The following STYXL1 variants were observed in gnomAD, a reference collection of about 807,000 sequenced individuals.
STYXL1 encodes the protein serine/threonine/tyrosine-interacting-like protein 1.
A neutral mutation model predicts 36.4 loss-of-function variants in STYXL1; 32 were observed. The ratio of observed to expected loss-of-function variants is 0.88; its 90% CI spans 0.66 to 1.18. The LOEUF is 1.18. Ranked by LOEUF, STYXL1 falls within the 50% of genes most tolerant of loss-of-function variation. The pLI, the probability that STYXL1 is intolerant of heterozygous loss-of-function variation, is 0.00. For missense variants in STYXL1, 354 were observed against 394.1 expected, an observed-to-expected ratio of 0.90 and a Z score of 0.86; for synonymous variants, 133 against 144.1, an observed-to-expected ratio of 0.92 and a Z score of 0.55.
chr7:76,003,684 G>T (rs1791270386), intron 7 of STYXL1, 74 bp downstream of exon 7: 6 of 1,363,466 alleles, frequency 4.4e-6, no homozygotes, highest in Non-Finnish European at 6.3e-6. Context: ...GAATAAGCCT[G>T]TGAAGGAGGC....
intron 4 of STYXL1, among the ~76,000 whole-genome samples, chr7:76,019,491 ACGGGGC>A (rs1441838105): frequency 2.0e-5 from 3 of 150,666 alleles, no homozygotes; most frequent in Non-Finnish European, 4.4e-5. Context: ...TTTGGTAGAG[ACGGGGC>A]CTTGCTATGT....
intron 1 of STYXL1, among the ~76,000 whole-genome samples, chr7:76,034,638 T>G (rs1236844482): frequency 1.3e-5 from 2 of 152,324 alleles, no homozygotes; most frequent in Admixed American, 6.5e-5. Context: ...TTGACACCAC[T>G]GACGTCCGGG....
rs1554565568 is a variant in STYXL1 at position 75,999,491 on chromosome 7, TTGTGTGTGTGTGTG to T, written c.810+1385_810+1398del. Among the ~76,000 whole-genome samples, 57 of 111,250 alleles carry T rather than the reference TTGTGTGTGTGTGTG, an allele frequency of 5.1e-4. 1 individual carries two copies. The highest frequency in any genetic ancestry group is 1.4e-3 in the South Asian group (5 of 3,580). The allele number at this position is 111,250 out of a possible 152,430, so 73.0% of individuals were successfully genotyped here. A position where few individuals can be genotyped will look rare whatever the true frequency, so the allele number is the denominator to read the frequency against. Reference sequence around the variant, plus strand: ...AATAGTTAAGATGGTAATTTTTTTGTTGTGTGTGTGTGTGTGTGTATGTGTGTGTGTGTGTGTGT... The same window carrying T: ...AATAGTTAAGATGGTAATTTTTTTGTTGTGTATGTGTGTGTGTGTGTGTGT... On this transcript the variant is annotated intron_variant, in intron 8 of 8. Transcript: ENST00000359697.
chr7:76,023,811 G>C (rs1490522178), intron 3 of STYXL1, among the ~76,000 whole-genome samples: 1 of 151,954 alleles, frequency 6.6e-6, no homozygotes, highest in East Asian at 1.9e-4. Flanking sequence ...AGGTCAGTTC[G>C]AGATCAGCCT....
At chr7:76,003,928 A>G (rs371081560) in intron 6 of STYXL1, 73 bp from the exon 7 acceptor site, 1 of 1,394,956 alleles carries the variant, frequency 7.2e-7, no homozygotes, top group South Asian at 1.2e-5. Context: ...GGTTTTCATC[A>G]CAGCAGAAGG....
At chr7:76,015,690 G>A (rs1380555756) in intron 4 of STYXL1, among the ~76,000 whole-genome samples, 2 of 152,180 alleles carry the variant, frequency 1.3e-5, no homozygotes, top group Non-Finnish European at 2.9e-5. Context: ...AACCTCTGAT[G>A]GTTAATACTG....
chr7:76,042,951 G>A (rs1475061348), intron 1 of STYXL1, among the ~76,000 whole-genome samples: 2 of 152,100 alleles, frequency 1.3e-5, no homozygotes, highest in Non-Finnish European at 2.9e-5. Flanking sequence ...TAGGCCTTGG[G>A]CTGGAAATCT....
rs1790583687 is a variant in STYXL1 at position 75,999,539 on chromosome 7, G to GTGTGTGTGTGTGTGTT, written c.810+1350_810+1351insAACACACACACACACA. On this transcript the variant is annotated intron_variant, in intron 8 of 8. Coordinates refer to ENST00000359697, the MANE Select transcript of STYXL1 (RefSeq NM_001317785.2). ...TGTGTGTGTGTGTGTGTGTGTGTGT[G>GTGTGTGTGTGTGTGTT]TGTGTGTGTGTGTATATTTTTTTTT... Among the ~76,000 whole-genome samples, 6 of 138,722 alleles carry GTGTGTGTGTGTGTGTT rather than the reference G, an allele frequency of 4.3e-5. 1 individual carries two copies. Among genetic ancestry groups the GTGTGTGTGTGTGTGTT allele is most frequent in the South Asian group, 2.4e-4 (1 of 4,218 alleles). The allele number at this position is 138,722 out of a possible 152,430, so 91.0% of individuals were successfully genotyped here.
In STYXL1 at chr7:76,003,846, G is replaced by T; in HGVS notation, c.609C>A (p.Gly203=). The change falls in exon 7 of 9, where the codon GGC becomes GGA. Residue 203 remains glycine, a synonymous_variant. Transcript: ENST00000359697. ...VSMDTGPFFA[G]DADKLLHIRI... is the part of the protein sequence containing the mutation. ...GGATGTGCAGAAGCTTGTCAGCATCGCCTGCAAAACTACACGGAAGGACCA... is the reference window on the plus strand; with the variant it reads ...GGATGTGCAGAAGCTTGTCAGCATCTCCTGCAAAACTACACGGAAGGACCA... 1 of 1,614,100 alleles carries T rather than the reference G, an allele frequency of 6.2e-7. No individual in the cohort carries two copies. Among genetic ancestry groups the T allele is most frequent in the African/African-American group, 1.3e-5 (1 of 75,036 alleles).
chr7:76,001,388 TGCCA>T (rs1554567310), intron 7 of STYXL1, among the ~76,000 whole-genome samples: 2 of 152,222 alleles, frequency 1.3e-5, no homozygotes, highest in Non-Finnish European at 2.9e-5. Flanking sequence ...CAATCCTGAC[TGCCA>T]CTCACTGGCC....
chr7:76,020,712 T>TC (rs1793955018), intron 4 of STYXL1, among the ~76,000 whole-genome samples: 1 of 152,196 alleles, frequency 6.6e-6, no homozygotes, highest in African/African-American at 2.4e-5. Flanking sequence ...TATCTTGCCA[T>TC]ATCACCCAGG....
intron 5 of STYXL1, among the ~76,000 whole-genome samples, chr7:76,012,883 T>A (rs1792737915): frequency 6.6e-6 from 1 of 152,188 alleles, no homozygotes. Context: ...AGCTAGGATT[T>A]GTGGAATCAG....
intron 5 of STYXL1, among the ~76,000 whole-genome samples, chr7:76,008,096 G>A (rs1792040270): frequency 6.7e-6 from 1 of 150,318 alleles, no homozygotes; most frequent in Admixed American, 6.7e-5. Flanking sequence ...CTACTCGGGA[G>A]GCTGGGGCAG....
intron 8 of STYXL1, among the ~76,000 whole-genome samples, chr7:75,999,509 G>A (rs183817953): frequency 7.8e-5 from 8 of 102,094 alleles, no homozygotes; most frequent in African/African-American, 2.2e-4. Context: ...GTGTGTGTGT[G>A]TATGTGTGTG....
At chr7:76,001,250 T>TTC (rs1790882411) in intron 7 of STYXL1, among the ~76,000 whole-genome samples, 1 of 152,178 alleles carries the variant, frequency 6.6e-6, no homozygotes, top group African/African-American at 2.4e-5. Context: ...GGCAAAGACC[T>TTC]TCTCCTGAAC....
chr7:76,009,497 G>A (rs897608113), intron 5 of STYXL1, among the ~76,000 whole-genome samples: 7 of 151,972 alleles, frequency 4.6e-5, no homozygotes, highest in African/African-American at 1.4e-4. Flanking sequence ...TGCAACCTCC[G>A]CCTCCCGGGT....
At chr7:76,029,883 T>G (rs1795134050) in intron 2 of STYXL1, among the ~76,000 whole-genome samples, 1 of 152,164 alleles carries the variant, frequency 6.6e-6, no homozygotes, top group Non-Finnish European at 1.5e-5. Context: ...TGGCTGTAAA[T>G]ACAGATGAAG....
At chr7:76,010,972 TGA>T (rs1792483486) in intron 5 of STYXL1, among the ~76,000 whole-genome samples, 1 of 152,166 alleles carries the variant, frequency 6.6e-6, no homozygotes, top group African/African-American at 2.4e-5. Flanking sequence ...TCCAGTACTT[TGA>T]GAGGCCAAGG....
chr7:76,025,408 A>G, intron 3 of STYXL1, among the ~76,000 whole-genome samples: 1 of 152,226 alleles, frequency 6.6e-6, no homozygotes, highest in East Asian at 1.9e-4. Flanking sequence ...AGAAATGCAC[A>G]GACTTGAGAG....
Sources: allele counts gnomAD v4.1 joint callset (sites outside exome capture counted in the v4.1 genomes callset), GRCh38; gene constraint gnomAD v4.1.1; transcripts MANE v1.5; gene names NCBI Gene and HGNC (gene_info 2026-07-23, HGNC 2026-07-21).